Variants in SOX5 observed in about 807,000 individuals in gnomAD.
SOX5 encodes the protein SRY-box transcription factor 5, also known as transcription factor SOX-5.
Under a neutral mutation model 92.0 loss-of-function variants are expected in SOX5, and 9 were observed. The ratio of observed to expected loss-of-function variants is 0.10; its 90% CI spans 0.06 to 0.17. SOX5 has a LOEUF of 0.17. SOX5 is among the 10% of genes least tolerant of loss of function. The pLI, the probability that SOX5 is intolerant of heterozygous loss-of-function variation, is 1.00. For synonymous variants in SOX5, 344 were observed against 336.3 expected, an observed-to-expected ratio of 1.02 and a Z score of -0.25; for missense variants, 642 against 944.5, an observed-to-expected ratio of 0.68 and a Z score of 4.20.
chr12:23,867,535 A>T (rs1361844243), intron 2 of SOX5, among the ~76,000 whole-genome samples: 1 of 152,276 alleles, frequency 6.6e-6, no homozygotes, highest in Non-Finnish European at 1.5e-5. Flanking sequence ...ATATAAAAAC[A>T]CAAGCTGGTA....
intron 1 of SOX5, among the ~76,000 whole-genome samples, chr12:24,491,548 A>C (rs1263826715): frequency 6.6e-6 from 1 of 152,216 alleles, no homozygotes; most frequent in African/African-American, 2.4e-5. Flanking sequence ...CAAACTTTTT[A>C]AAGTAAAAAT....
At chr12:24,322,172 C>T (rs566222502) in intron 2 of SOX5, among the ~76,000 whole-genome samples, 2 of 152,186 alleles carry the variant, frequency 1.3e-5, no homozygotes, top group South Asian at 4.2e-4. Flanking sequence ...TTAATTATGG[C>T]ATTTTAGGAA....
intron 4 of SOX5, among the ~76,000 whole-genome samples, chr12:24,082,405 A>G (rs995877589): frequency 5.4e-5 from 1 of 18,418 alleles, no homozygotes; most frequent in East Asian, 2.3e-3. Context: ...TTTCGAAAAG[A>G]AAAAAAAAAA....
At chr12:23,577,176 CAT>C (rs1254455034) in intron 9 of SOX5, among the ~76,000 whole-genome samples, 2 of 76,968 alleles carry the variant, frequency 2.6e-5, no homozygotes, top group African/African-American at 9.5e-5. Flanking sequence ...CACACACACA[CAT>C]ATATATATAT....
At chr12:24,218,036 A>T (rs904181825) in intron 3 of SOX5, among the ~76,000 whole-genome samples, 7 of 152,206 alleles carry the variant, frequency 4.6e-5, no homozygotes, top group African/African-American at 1.7e-4. Flanking sequence ...GGAAATATGA[A>T]ATGCTGCAGC....
chr12:24,163,994 A>T (rs999509305), intron 4 of SOX5, among the ~76,000 whole-genome samples: 1 of 152,146 alleles, frequency 6.6e-6, no homozygotes, highest in Admixed American at 6.6e-5. Context: ...TAAATTAAAT[A>T]GTATAGTATA....
intron 6 of SOX5, among the ~76,000 whole-genome samples, chr12:23,675,536 A>C (rs2085529348): frequency 6.6e-6 from 1 of 152,204 alleles, no homozygotes; most frequent in African/African-American, 2.4e-5. Context: ...CATACAAAAC[A>C]CACAGAGAAA....
At position 24,552,932 on chromosome 12, in the gene SOX5, C is replaced by T. The variant is rs532187186; in HGVS notation, c.-251+9397G>A. 5.5e-5 allele frequency among the ~76,000 whole-genome samples: 8 copies of T among 144,314 alleles called. No individual in the cohort carries two copies. The East Asian group carries it at 1.4e-3, about 25-fold the overall frequency. The allele number at this position is 144,314 out of a possible 152,430, so 94.7% of individuals were successfully genotyped here. A position where few individuals can be genotyped will look rare whatever the true frequency, so the allele number is the denominator to read the frequency against. ...CTGTGGTCCCAGCTACTCAGGAGGC[C>T]GAGGTAGGAGGATCACTTGAGCTCG... is the stretch of plus-strand genomic sequence containing the variant. On this transcript the variant is annotated intron_variant, in intron 1 of 4. Transcript: ENST00000446891.
intron 2 of SOX5, among the ~76,000 whole-genome samples, chr12:24,346,684 C>A (rs537945015): frequency 6.6e-6 from 1 of 152,212 alleles, no homozygotes; most frequent in Admixed American, 6.5e-5. Context: ...AACTCCTGAC[C>A]TTGTGATCCA....
chr12:23,845,865 T>A, intron 3 of SOX5, 118 bp downstream of exon 3: 1 of 794,734 alleles, frequency 1.3e-6, no homozygotes, highest in Admixed American at 2.2e-5. Context: ...TAGCAATAGG[T>A]TTCCATCTTG....
chr12:23,789,234 A>T (rs200770501), intron 3 of SOX5, among the ~76,000 whole-genome samples: 2 of 28,136 alleles, frequency 7.1e-5, no homozygotes, highest in African/African-American at 2.5e-4. Context: ...TCTTTGAAAT[A>T]AAAAAAAAAA....
intron 2 of SOX5, among the ~76,000 whole-genome samples, chr12:24,285,436 T>C (rs1206618784): frequency 6.6e-6 from 1 of 152,202 alleles, no homozygotes; most frequent in Non-Finnish European, 1.5e-5. Flanking sequence ...AAACAATCTA[T>C]TCTTATTCTA....
chr12:23,959,340 A>C (rs1379513334), intron 4 of SOX5, among the ~76,000 whole-genome samples: 1 of 152,028 alleles, frequency 6.6e-6, no homozygotes, highest in Non-Finnish European at 1.5e-5. Context: ...ATAGAGAAAA[A>C]ACCTAAACAC....
At chr12:23,758,950 A>G (rs2094485455) in intron 3 of SOX5, among the ~76,000 whole-genome samples, 4 of 151,808 alleles carry the variant, frequency 2.6e-5, no homozygotes, top group African/African-American at 9.7e-5. Flanking sequence ...GAACTGTGAG[A>G]AATAAATTTA....
At chr12:23,576,153 A>C (rs769245409) in intron 9 of SOX5, among the ~76,000 whole-genome samples, 16 of 152,088 alleles carry the variant, frequency 1.1e-4, no homozygotes, top group Non-Finnish European at 1.9e-4. Context: ...GTATTGAGAG[A>C]TATTACACAT....
At chr12:23,772,994 C>T (rs1208525998) in intron 3 of SOX5, among the ~76,000 whole-genome samples, 3 of 152,112 alleles carry the variant, frequency 2.0e-5, no homozygotes, top group African/African-American at 7.2e-5. Flanking sequence ...TCTTCATTTA[C>T]TGAGCATCTA....
At chr12:23,646,796 A>G (rs552023122) in intron 7 of SOX5, among the ~76,000 whole-genome samples, 1 of 152,326 alleles carries the variant, frequency 6.6e-6, no homozygotes, top group African/African-American at 2.4e-5. Context: ...ATTTAGTCAC[A>G]TCTTCAAGCT....
intron 4 of SOX5, among the ~76,000 whole-genome samples, chr12:24,089,501 C>T (rs920763017): frequency 6.6e-6 from 1 of 152,078 alleles, no homozygotes; most frequent in Non-Finnish European, 1.5e-5. Flanking sequence ...ACATGCATGT[C>T]TTTATACATT....
chr12:24,069,898 C>G (rs889896647), intron 4 of SOX5, among the ~76,000 whole-genome samples: 1 of 152,194 alleles, frequency 6.6e-6, no homozygotes, highest in Non-Finnish European at 1.5e-5. Flanking sequence ...ACAGCTACTA[C>G]ACAAATGGGG....
Sources: allele counts gnomAD v4.1 joint callset (sites outside exome capture counted in the v4.1 genomes callset), GRCh38; gene constraint gnomAD v4.1.1; transcripts MANE v1.5; gene names NCBI Gene and HGNC (gene_info 2026-07-23, HGNC 2026-07-21).